The following NALF1 variants were observed in gnomAD, a reference collection of about 807,000 sequenced individuals.
NALF1 encodes the protein NALCN channel auxiliary factor 1, also known as family with sequence similarity 155 member A.
In NALF1, 3 loss-of-function variants were observed where a neutral mutation model predicts 48.4. The ratio of observed to expected loss-of-function variants is 0.06; its 90% CI spans 0.03 to 0.16. NALF1 has a LOEUF of 0.16. Among genes scored for constraint, NALF1 ranks in the 10% least tolerant of loss-of-function variants. The pLI, the probability that NALF1 is intolerant of heterozygous loss-of-function variation, is 1.00. For missense variants in NALF1, 526 were observed against 571.5 expected (o/e 0.92, Z 0.81); for synonymous variants, 262 against 245.7 (o/e 1.07, Z -0.62).
At chr13:107,668,501 A>T (rs1880913873) in intron 1 of NALF1, among the ~76,000 whole-genome samples, 6 of 152,102 alleles carry the variant, frequency 3.9e-5, no homozygotes, top group Admixed American at 3.9e-4. Flanking sequence ...TTTTGCAAGC[A>T]GAAGCTAGTT....
intron 1 of NALF1, chr13:107,788,579 G>A (rs888577568): frequency 7.9e-5 from 12 of 152,148 alleles, no homozygotes; most frequent in Admixed American, 7.2e-4. Context: ...TGACTGCCCA[G>A]TTTTTCCTCA....
intron 1 of NALF1, among the ~76,000 whole-genome samples, chr13:107,563,026 G>A (rs1266879070): frequency 1.3e-5 from 2 of 152,166 alleles, no homozygotes; most frequent in East Asian, 1.9e-4. Flanking sequence ...ACAAGTTAAT[G>A]TAAGTAAAAT....
chr13:107,429,429 A>G (rs1815538762), intron 1 of NALF1, among the ~76,000 whole-genome samples: 1 of 151,918 alleles, frequency 6.6e-6, no homozygotes, highest in Admixed American at 6.6e-5. Flanking sequence ...ACCAATCGCT[A>G]AAATAATGGA....
chr13:107,765,915 G>A (rs983529884), intron 1 of NALF1, among the ~76,000 whole-genome samples: 2 of 151,828 alleles, frequency 1.3e-5, no homozygotes, highest in Admixed American at 1.3e-4. Flanking sequence ...CATCCTTTAG[G>A]GTGTAATCAA....
At chr13:107,242,115 G>T (rs1394682899) in intron 1 of NALF1, among the ~76,000 whole-genome samples, 1 of 152,112 alleles carries the variant, frequency 6.6e-6, no homozygotes, top group African/African-American at 2.4e-5. Flanking sequence ...GTTTAAATTG[G>T]CCTGGATAAC....
chr13:107,226,647 T>C (rs1208424346), intron 1 of NALF1, among the ~76,000 whole-genome samples: 1 of 152,198 alleles, frequency 6.6e-6, no homozygotes, highest in East Asian at 1.9e-4. Flanking sequence ...TAAATGATCA[T>C]AGTGAATTTG....
At chr13:107,517,421 G>A (rs549762477) in intron 1 of NALF1, among the ~76,000 whole-genome samples, 3 of 151,734 alleles carry the variant, frequency 2.0e-5, no homozygotes, top group African/African-American at 7.3e-5. Context: ...ACAAGATCAG[G>A]AGATCGAGAC....
At chr13:107,818,830 C>A (rs1879262321) in intron 1 of NALF1, among the ~76,000 whole-genome samples, 1 of 127,154 alleles carries the variant, frequency 7.9e-6, no homozygotes, top group Non-Finnish European at 1.5e-5. Flanking sequence ...CGAGATCGCG[C>A]CACTGCACTC....
At chr13:107,440,376 T>TACC (rs977759014) in intron 1 of NALF1, among the ~76,000 whole-genome samples, 57 of 152,186 alleles carry the variant, frequency 3.7e-4, no homozygotes, top group African/African-American at 1.4e-3. Context: ...TGAGATGTGT[T>TACC]AAAGTTTCGC....
intron 1 of NALF1, among the ~76,000 whole-genome samples, chr13:107,842,297 G>A (rs1287069676): frequency 6.6e-6 from 1 of 151,906 alleles, no homozygotes; most frequent in Non-Finnish European, 1.5e-5. Context: ...AATCAAAACT[G>A]AGAGAAATCA....
At chr13:107,638,201 A>ATATATATATATATGTATATGTATG (rs372122331) in intron 1 of NALF1, among the ~76,000 whole-genome samples, 3 of 110,832 alleles carry the variant, frequency 2.7e-5, no homozygotes, top group African/African-American at 8.5e-5. Context: ...ATATATATAT[A>ATATATATATATATGTATATGTATG]TATATAATTT....
rs141982346 is a variant in NALF1, at chr13:107,582,358, G to C, written c.915+283324C>G. Among the ~76,000 whole-genome samples the C allele has an allele frequency of 5.3e-5, 8 of 152,328 alleles. No individual in the cohort carries two copies. The East Asian group carries it at 1.5e-3, about 29-fold the overall frequency. Reference sequence around the variant, plus strand: ...GGTAACAAACATGACAGTGACGCCAGAAATACACGTGTTACAGAAGTGCCA... The same window carrying C: ...GGTAACAAACATGACAGTGACGCCACAAATACACGTGTTACAGAAGTGCCA... On this transcript the variant is annotated intron_variant, in intron 1 of 2. Coordinates refer to ENST00000375915, the MANE Select transcript of NALF1 (RefSeq NM_001080396.3).
At chr13:107,819,004 G>C (rs974158404) in intron 1 of NALF1, among the ~76,000 whole-genome samples, 3 of 150,982 alleles carry the variant, frequency 2.0e-5, no homozygotes, top group African/African-American at 7.3e-5. Flanking sequence ...CCTGACTACT[G>C]AAAGTCACAC....
intron 1 of NALF1, among the ~76,000 whole-genome samples, chr13:107,566,847 C>T (rs1448633271): frequency 6.6e-6 from 1 of 152,090 alleles, no homozygotes; most frequent in Non-Finnish European, 1.5e-5. Context: ...TGGAGAACCC[C>T]GAGGCAGTGC....
intron 1 of NALF1, among the ~76,000 whole-genome samples, chr13:107,270,739 G>A (rs1881145495): frequency 6.6e-6 from 1 of 151,792 alleles, no homozygotes; most frequent in Admixed American, 6.6e-5. Flanking sequence ...ATGTATACAT[G>A]TGCCATGTTG....
In NALF1 at chr13:107,866,310, C is replaced by CACT; in HGVS notation, c.286_287insAGT (p.Arg96delinsGlnTrp). ...GGGCCAGGAGGGCTCCTGCTGCCGC[C>CACT]GCTGCTGCTGCTGCTGCTGCCGCTG... On this transcript the variant is annotated protein_altering_variant, in exon 1 of 3. Coordinates refer to ENST00000375915, the MANE Select transcript of NALF1 (RefSeq NM_001080396.3). This position sits in a 1 kb window ranked among gnomAD's most constrained non-coding sequence, Gnocchi z 4.4. 6.2e-7 allele frequency: 1 copy of CACT among 1,602,868 alleles called. No homozygotes were observed. The highest frequency in any genetic ancestry group is 8.5e-7 in the Non-Finnish European group (1 of 1,175,572).
intron 1 of NALF1, among the ~76,000 whole-genome samples, chr13:107,368,768 C>T (rs545149794): frequency 5.9e-5 from 9 of 152,334 alleles, no homozygotes; most frequent in Non-Finnish European, 1.2e-4. Context: ...TCCAAAGACC[C>T]CTTTTCCAAA....
chr13:107,553,991 C>T (rs959717268), intron 1 of NALF1, among the ~76,000 whole-genome samples: 6 of 152,242 alleles, frequency 3.9e-5, no homozygotes, highest in Admixed American at 1.3e-4. Context: ...TCACTGTCCC[C>T]GCTTACTTCA....
chr13:107,315,466 A>C (rs1204049425), intron 1 of NALF1, among the ~76,000 whole-genome samples: 1 of 152,062 alleles, frequency 6.6e-6, no homozygotes, highest in Non-Finnish European at 1.5e-5. Flanking sequence ...AGTCTTCTAT[A>C]ATCTACCTTC....
Sources: allele counts gnomAD v4.1 joint callset (sites outside exome capture counted in the v4.1 genomes callset), GRCh38; gene constraint gnomAD v4.1.1; non-coding constraint Gnocchi (gnomAD v3.1); transcripts MANE v1.5; gene names NCBI Gene and HGNC (gene_info 2026-07-23, HGNC 2026-07-21).